Variants in SLC35F3 observed in about 807,000 individuals in gnomAD.
SLC35F3 encodes the protein solute carrier family 35 member F3.
A neutral mutation model predicts 49.9 loss-of-function variants in SLC35F3; 25 were observed. The observed-to-expected ratio is 0.50, with a 90% CI of 0.37 to 0.70. The LOEUF is 0.70. Ranked by LOEUF, SLC35F3 falls within the 30% of genes least tolerant of loss-of-function variation. The probability of loss-of-function intolerance (pLI) is 0.00; values close to 1 mark genes in which losing one functional copy is unlikely to be tolerated. For missense variants in SLC35F3, 525 were observed against 639.8 expected (o/e 0.82, Z 1.94); for synonymous variants, 275 against 265.4 (o/e 1.04, Z -0.35).
intron 2 of SLC35F3, among the ~76,000 whole-genome samples, chr1:234,028,276 A>G (rs996929889): frequency 6.6e-6 from 1 of 152,192 alleles, no homozygotes; most frequent in Non-Finnish European, 1.5e-5. Context: ...GTAAGCTGTA[A>G]TTAGAGGTGG....
intron 2 of SLC35F3, among the ~76,000 whole-genome samples, chr1:234,058,767 C>T (rs1664494983): frequency 6.6e-6 from 1 of 152,130 alleles, no homozygotes; most frequent in Non-Finnish European, 1.5e-5. Context: ...ATGCCGCCCT[C>T]ATAGAATGAT....
At chr1:234,285,566 A>G (rs909393923) in intron 3 of SLC35F3, 1 of 296,910 alleles carries the variant, frequency 3.4e-6, no homozygotes, top group African/African-American at 2.3e-5. Flanking sequence ...TTGTCCAGCT[A>G]CAGACACAGA....
intron 2 of SLC35F3, among the ~76,000 whole-genome samples, chr1:234,023,192 A>G (rs1459481966): frequency 6.6e-6 from 1 of 152,228 alleles, no homozygotes; most frequent in African/African-American, 2.4e-5. Context: ...ACCCATTGCC[A>G]TCTTGATTTC....
chr1:233,978,801 G>T (rs186445508), intron 2 of SLC35F3, among the ~76,000 whole-genome samples: 1 of 152,072 alleles, frequency 6.6e-6, no homozygotes, highest in Non-Finnish European at 1.5e-5. Flanking sequence ...AGGCCGAGGC[G>T]GGCGGATCAC....
At chr1:233,963,285 T>C (rs1662835377) in intron 2 of SLC35F3, among the ~76,000 whole-genome samples, 1 of 151,842 alleles carries the variant, frequency 6.6e-6, no homozygotes, top group African/African-American at 2.4e-5. Context: ...ATAGCTTTCT[T>C]TTTTCTTTCT....
intron 2 of SLC35F3, among the ~76,000 whole-genome samples, chr1:234,079,719 T>G (rs1664846691): frequency 6.6e-6 from 1 of 152,186 alleles, no homozygotes; most frequent in African/African-American, 2.4e-5. Context: ...TTCCACCCAT[T>G]TATGATGACT....
chr1:234,314,273 C>G (rs1657430739), intron 4 of SLC35F3, among the ~76,000 whole-genome samples: 1 of 152,192 alleles, frequency 6.6e-6, no homozygotes, highest in East Asian at 1.9e-4. Context: ...ACCCCCTTGT[C>G]CCTTCCCCCA....
chr1:234,089,963 G>A (rs1438848454), intron 2 of SLC35F3, among the ~76,000 whole-genome samples: 2 of 152,198 alleles, frequency 1.3e-5, no homozygotes, highest in African/African-American at 2.4e-5. Flanking sequence ...AATTCCTTTT[G>A]AAAGAATACT....
At position 234,076,617 on chromosome 1, in the gene SLC35F3, A is replaced by G. The variant is rs1040625783; in HGVS notation, c.284-154800A>G. On this transcript the variant is annotated intron_variant, in intron 2 of 7. Transcript: ENST00000366618. ...GCTGGGATTATGGGTGCCCGCCATC[A>G]TGCCCTGCTAATTTTTGTATTTTAG... Among the ~76,000 whole-genome samples the G allele has an allele frequency of 5.3e-5, 8 of 151,972 alleles. No homozygotes were observed. In the South Asian group the frequency reaches 1.5e-3, roughly 28 times the overall value.
intron 2 of SLC35F3, among the ~76,000 whole-genome samples, chr1:234,103,597 C>T (rs924862414): frequency 2.0e-5 from 3 of 152,118 alleles, no homozygotes; most frequent in African/African-American, 7.2e-5. Flanking sequence ...TGTATAGTAG[C>T]TCTTATAATG....
chr1:234,204,747 A>C (rs1382921502), intron 2 of SLC35F3, among the ~76,000 whole-genome samples: 1 of 152,240 alleles, frequency 6.6e-6, no homozygotes, highest in Non-Finnish European at 1.5e-5. Flanking sequence ...TCTTTGGGAA[A>C]AGGCATGACC....
chr1:234,272,168 A>G (rs56774366), intron 3 of SLC35F3, among the ~76,000 whole-genome samples: 8,702 of 152,252 alleles, frequency 0.057, 287 homozygotes, highest in African/African-American at 0.087. Flanking sequence ...CAGGCAGAGA[A>G]TGATAAAATC....
chr1:234,093,789 A>G (rs1395462232), intron 2 of SLC35F3, among the ~76,000 whole-genome samples: 2 of 152,238 alleles, frequency 1.3e-5, no homozygotes, highest in African/African-American at 4.8e-5. Context: ...CCTCCTAAAT[A>G]TGCTGTGGAC....
chr1:233,927,005 C>T, intron 2 of SLC35F3, among the ~76,000 whole-genome samples: 1 of 152,200 alleles, frequency 6.6e-6, no homozygotes, highest in East Asian at 1.9e-4. Flanking sequence ...GCAAATGTTG[C>T]TGGTAGGCAG....
chr1:234,190,726 A>G (rs1666717773), intron 2 of SLC35F3, among the ~76,000 whole-genome samples: 1 of 152,202 alleles, frequency 6.6e-6, no homozygotes. Context: ...CTTAACGGAT[A>G]TTTTACAGAA....
chr1:234,211,724 A>C (rs916324848), intron 2 of SLC35F3, among the ~76,000 whole-genome samples: 3 of 152,248 alleles, frequency 2.0e-5, no homozygotes, highest in African/African-American at 7.2e-5. Context: ...ACAGGCTCAT[A>C]GGTGGAAGGG....
chr1:233,949,179 T>C (rs1026582712), intron 2 of SLC35F3, among the ~76,000 whole-genome samples: 4 of 152,134 alleles, frequency 2.6e-5, no homozygotes, highest in Admixed American at 2.6e-4. Flanking sequence ...GGAAGAGAGA[T>C]GTCTGCCATT....
At chr1:234,318,628 C>A in intron 5 of SLC35F3, 123 bp from the exon 6 acceptor site, 1 of 784,912 alleles carries the variant, frequency 1.3e-6, no homozygotes, top group Non-Finnish European at 2.1e-6. Context: ...ATGGAATTCA[C>A]CTGGAATCTG....
chr1:234,049,128 G>T (rs1386855101), intron 2 of SLC35F3, among the ~76,000 whole-genome samples: 1 of 152,178 alleles, frequency 6.6e-6, no homozygotes, highest in Non-Finnish European at 1.5e-5. Flanking sequence ...GACTTTGGAG[G>T]TTGTTGGGAT....
Sources: allele counts gnomAD v4.1 joint callset (sites outside exome capture counted in the v4.1 genomes callset), GRCh38; gene constraint gnomAD v4.1.1; transcripts MANE v1.5; gene names NCBI Gene and HGNC (gene_info 2026-07-23, HGNC 2026-07-21).